Variants in WDR41 observed in about 807,000 individuals in gnomAD.
WDR41 encodes the protein WD repeat domain 41, also known as WD repeat-containing protein 41.
Under a neutral mutation model 69.3 loss-of-function variants are expected in WDR41, and 63 were observed. The observed-to-expected ratio is 0.91, with a 90% CI of 0.74 to 1.12. The LOEUF (loss-of-function observed/expected upper bound fraction) is 1.12. Ranked by LOEUF, WDR41 falls within the 50% of genes most tolerant of loss-of-function variation. The pLI, the probability that WDR41 is intolerant of heterozygous loss-of-function variation, is 0.00. For missense variants in WDR41, 543 were observed against 534.5 expected, an observed-to-expected ratio of 1.02 and a Z score of -0.16; for synonymous variants, 185 against 192.1, an observed-to-expected ratio of 0.96 and a Z score of 0.31.
At chr5:77,462,409 C>CAA (rs10670808) in intron 4 of WDR41, among the ~76,000 whole-genome samples, 48,377 of 101,726 alleles carry the variant, frequency 0.48, 10,572 homozygotes, top group Admixed American at 0.53. Context: ...AACTCCGTCT[C>CAA]AAAAAAAAAA....
At chr5:77,440,345 G>A (rs1045907592) in intron 9 of WDR41, among the ~76,000 whole-genome samples, 1 of 152,144 alleles carries the variant, frequency 6.6e-6, no homozygotes, top group Non-Finnish European at 1.5e-5. Flanking sequence ...CAGATCTAAA[G>A]TGCTTCAAGA....
intron 1 of WDR41, among the ~76,000 whole-genome samples, chr5:77,568,777 T>C (rs968624799): frequency 2.0e-5 from 3 of 151,868 alleles, no homozygotes; most frequent in Non-Finnish European, 4.4e-5. Context: ...AACACAGGAG[T>C]GAATCAACAG....
intron 1 of WDR41, among the ~76,000 whole-genome samples, chr5:77,562,466 G>T (rs570637100): frequency 6.6e-6 from 1 of 152,170 alleles, no homozygotes; most frequent in Admixed American, 6.5e-5. Flanking sequence ...CACAAATACC[G>T]ATAATATATC....
At chr5:77,611,225 C>T (rs1744542788) in intron 1 of WDR41, among the ~76,000 whole-genome samples, 1 of 152,114 alleles carries the variant, frequency 6.6e-6, no homozygotes. Flanking sequence ...TAACACCCCA[C>T]TGTCAACATT....
intron 4 of WDR41, among the ~76,000 whole-genome samples, chr5:77,459,716 A>C (rs189126861): frequency 3.9e-5 from 6 of 152,312 alleles, no homozygotes; most frequent in Admixed American, 1.3e-4. Context: ...ATTTTACACC[A>C]TGTCTGAAAA....
intron 1 of WDR41, chr5:77,491,967 C>T: frequency 8.3e-6 from 5 of 599,556 alleles, no homozygotes. Flanking sequence ...CCAGGGTGCG[C>T]CTGGGGTCCC....
At chr5:77,476,882 T>C (rs930667732) in intron 2 of WDR41, among the ~76,000 whole-genome samples, 8 of 143,076 alleles carry the variant, frequency 5.6e-5, no homozygotes, top group Non-Finnish European at 1.1e-4. Flanking sequence ...GACTGGCAAA[T>C]TGGATAAAGA....
chr5:77,445,654 A>G (rs560649649), intron 8 of WDR41, among the ~76,000 whole-genome samples: 1 of 152,342 alleles, frequency 6.6e-6, no homozygotes, highest in East Asian at 1.9e-4. Context: ...CATCACACAA[A>G]CAGAACCAAT....
At chr5:77,464,680 C>A in intron 3 of WDR41, 81 bp downstream of exon 3, 1 of 1,391,456 alleles carries the variant, frequency 7.2e-7, no homozygotes, top group Non-Finnish European at 1.0e-6. Flanking sequence ...TAAATGTATC[C>A]CCAGATAGTA....
At chr5:77,449,241 GAGGA>G (rs1610937) in intron 8 of WDR41, among the ~76,000 whole-genome samples, 89,538 of 151,604 alleles carry the variant, frequency 0.59, 28,240 homozygotes, top group African/African-American at 0.81. Flanking sequence ...CCCCCACCAC[GAGGA>G]AGGAAGGGAA....
At position 77,453,999 on chromosome 5, in the gene WDR41, T is replaced by A. The variant is rs1309133893; in HGVS notation, c.412-71A>T. Reference sequence around the variant, plus strand: ...GTCATTGTTCAGTGGTTTAAAAATATATCCACAAGTTCTTTAACCCCTTCC... The same window carrying A: ...GTCATTGTTCAGTGGTTTAAAAATAAATCCACAAGTTCTTTAACCCCTTCC... On this transcript the variant is annotated intron_variant, in intron 5 of 12. Coordinates refer to ENST00000296679, the MANE Select transcript of WDR41 (RefSeq NM_018268.4). The A allele has an allele frequency of 4.2e-6, 5 of 1,194,942 alleles. No homozygotes were observed. In the Admixed American group the frequency reaches 8.8e-5, roughly 21 times the overall value. 74.0% of individuals were successfully genotyped at this position (1,194,942 alleles called of 1,614,324 possible).
chr5:77,582,049 A>C (rs921636699), intron 1 of WDR41, among the ~76,000 whole-genome samples: 2 of 152,212 alleles, frequency 1.3e-5, no homozygotes, highest in Non-Finnish European at 2.9e-5. Flanking sequence ...ATGAAATCAA[A>C]AGCCAGTTAT....
chr5:77,442,504 G>T (rs968015582), intron 8 of WDR41, among the ~76,000 whole-genome samples: 4 of 152,038 alleles, frequency 2.6e-5, no homozygotes, highest in Admixed American at 2.6e-4. Flanking sequence ...CTGGATAGTG[G>T]AAAGATTTTA....
intron 1 of WDR41, among the ~76,000 whole-genome samples, chr5:77,522,226 G>A (rs1400493523): frequency 6.6e-6 from 1 of 152,230 alleles, no homozygotes; most frequent in African/African-American, 2.4e-5. Flanking sequence ...CCAGAAGTAA[G>A]AGCTATGGAG....
At chr5:77,501,659 C>T (rs930826845) in intron 1 of WDR41, among the ~76,000 whole-genome samples, 2 of 152,124 alleles carry the variant, frequency 1.3e-5, no homozygotes, top group Admixed American at 1.3e-4. Context: ...GTGGATGCCC[C>T]TCTGGGACAA....
chr5:77,490,465 T>C (rs555067123), intron 1 of WDR41, among the ~76,000 whole-genome samples: 1 of 152,168 alleles, frequency 6.6e-6, no homozygotes, highest in African/African-American at 2.4e-5. Flanking sequence ...GAAGCCTGGA[T>C]ACAAAGTTAT....
intron 1 of WDR41, among the ~76,000 whole-genome samples, chr5:77,586,421 T>A (rs2112299922): frequency 6.6e-6 from 1 of 152,194 alleles, no homozygotes; most frequent in South Asian, 2.1e-4. Flanking sequence ...ATCCTCCCAC[T>A]TGAGCCTCTC....
intron 2 of WDR41, among the ~76,000 whole-genome samples, chr5:77,486,361 G>A (rs1031329898): frequency 1.3e-5 from 2 of 152,116 alleles, no homozygotes; most frequent in Non-Finnish European, 2.9e-5. Flanking sequence ...AAGCCAAAAA[G>A]CAGGCTTCTT....
chr5:77,612,235 C>A (rs1009915276), intron 1 of WDR41, among the ~76,000 whole-genome samples: 3 of 152,210 alleles, frequency 2.0e-5, no homozygotes, highest in Non-Finnish European at 4.4e-5. Flanking sequence ...TGGTACCATT[C>A]CTTCTGAAAC....
Sources: allele counts gnomAD v4.1 joint callset (sites outside exome capture counted in the v4.1 genomes callset), GRCh38; gene constraint gnomAD v4.1.1; transcripts MANE v1.5; gene names NCBI Gene and HGNC (gene_info 2026-07-23, HGNC 2026-07-21).